Variants in SETD2 observed in about 807,000 individuals in gnomAD.
SETD2 encodes histone-lysine N-methyltransferase SETD2.
In SETD2, 31 loss-of-function variants were observed where a neutral mutation model predicts 242.1. That is an observed-to-expected ratio of 0.13 (90% CI 0.10 to 0.17). SETD2 has a LOEUF of 0.17. Among genes scored for constraint, SETD2 ranks in the 10% least tolerant of loss-of-function variants. The pLI, the probability that SETD2 is intolerant of heterozygous loss-of-function variation, is 1.00. For missense variants in SETD2, 2,481 were observed against 3,046.3 expected (o/e 0.81, Z 4.37); for synonymous variants, 1,006 against 1,066.5 (o/e 0.94, Z 1.11).
chr3:47,080,719 C>CA, intron 12 of SETD2: 2 of 850,582 alleles, frequency 2.4e-6, no homozygotes, highest in Non-Finnish European at 2.8e-6. Context: ...TGGTTGAGGT[C>CA]TACTTTAGGA....
At chr3:47,061,469 T>C (rs2107586915) in intron 14 of SETD2, among the ~76,000 whole-genome samples, 1 of 152,220 alleles carries the variant, frequency 6.6e-6, no homozygotes, top group East Asian at 1.9e-4. Context: ...ACATTTTCAA[T>C]AAATGGTGCT....
intron 18 of SETD2, chr3:47,029,063 TA>T (rs2038638585): frequency 2.9e-5 from 5 of 171,526 alleles, no homozygotes; most frequent in Non-Finnish European, 5.9e-5. Flanking sequence ...CCCAAACTTT[TA>T]ATTTTTTTTT....
At chr3:47,126,307 C>A (rs2043326100) in intron 2 of SETD2, among the ~76,000 whole-genome samples, 1 of 152,184 alleles carries the variant, frequency 6.6e-6, no homozygotes, top group Non-Finnish European at 1.5e-5. Context: ...CAGGCATGAG[C>A]CAAATACTTT....
intron 14 of SETD2, among the ~76,000 whole-genome samples, chr3:47,059,193 T>G (rs2040225076): frequency 1.4e-5 from 2 of 146,172 alleles, no homozygotes; most frequent in South Asian, 4.5e-4. Context: ...ATCAGCTCAC[T>G]GCAACCTCCA....
Position 47,120,671 on chromosome 3 carries a change from C to A in SETD2, c.3965G>T (p.Arg1322Leu), listed in dbSNP as rs147170912. 6.2e-7 allele frequency: 1 copy of A among 1,614,072 alleles called. No individual in the cohort carries two copies. The highest frequency in any genetic ancestry group is 8.5e-7 in the Non-Finnish European group (1 of 1,180,034). Residue 1322 changes from arginine to leucine, a missense_variant, in exon 3 of 21, where the codon CGA becomes CTA. By Grantham distance (102) the Arg-to-Leu change is moderately radical. Around this residue, in one of 17 missense-constraint regions of SETD2, gnomAD observed 1,300 missense variants for 1,259.2 expected, o/e 1.03. Transcript: ENST00000409792. ...RPPGTGVVYDRTQGQVPDSLT... is the reference protein window; with the variant it reads ...RPPGTGVVYDLTQGQVPDSLT... ...GGAATCTGGTACTTGTCCTTGAGTT[C>A]GATCATACACAACCCCAGTTCCAGG...
chr3:47,118,154 C>T (rs2042935073), intron 3 of SETD2, among the ~76,000 whole-genome samples: 3 of 152,054 alleles, frequency 2.0e-5, no homozygotes, highest in East Asian at 1.9e-4. Flanking sequence ...AGACACAATT[C>T]GTTAATGAGT....
intron 18 of SETD2, among the ~76,000 whole-genome samples, chr3:47,027,994 C>T (rs946800955): frequency 2.0e-5 from 3 of 151,996 alleles, no homozygotes; most frequent in African/African-American, 7.3e-5. Context: ...TGGGGTTTCA[C>T]TGTGTTAGCC....
At chr3:47,044,013 A>G (rs1255278953) in intron 16 of SETD2, among the ~76,000 whole-genome samples, 1 of 152,146 alleles carries the variant, frequency 6.6e-6, no homozygotes, top group Admixed American at 6.5e-5. Flanking sequence ...TCAGCTTTTA[A>G]GAATACAAAT....
chr3:47,050,723 C>CTTTTTTTTTTTTTT lies in SETD2; in HGVS notation c.6964-4116_6964-4103dup. 1.5e-3 allele frequency among the ~76,000 whole-genome samples: 103 copies of CTTTTTTTTTTTTTT among 66,884 alleles called. 17 individuals are homozygous for CTTTTTTTTTTTTTT. The highest frequency in any genetic ancestry group is 1.9e-3 in the Non-Finnish European group (73 of 38,394). 43.9% of individuals were successfully genotyped at this position (66,884 alleles called of 152,430 possible). ...CTCAACCTGTATACATTTCCTCTCT[C>CTTTTTTTTTTTTTT]TTTTTTTTTTTTTTTTTTTTTTTTT... is the stretch of plus-strand genomic sequence containing the variant. On this transcript the variant is annotated intron_variant, in intron 15 of 20. Coordinates refer to ENST00000409792, the MANE Select transcript of SETD2 (RefSeq NM_014159.7).
chr3:47,119,362 A>G (rs1384194589), intron 3 of SETD2: 1 of 152,386 alleles, frequency 6.6e-6, no homozygotes, highest in Non-Finnish European at 1.5e-5. Context: ...TATTTATTAC[A>G]CTATTGCCAG....
rs750635731 is a variant in SETD2 at position 47,057,479 on chromosome 3, G to T, written c.6305C>A (p.Pro2102Gln). The change falls in exon 15 of 21, where the codon CCA becomes CAA. Residue 2102 changes from proline (P) to glutamine (Q), a missense_variant. Pro to Gln is a moderately conservative substitution (Grantham distance 76). Around this residue, in one of 17 missense-constraint regions of SETD2, gnomAD observed 80 missense variants for 102.6 expected, o/e 0.78. Coordinates refer to ENST00000409792, the MANE Select transcript of SETD2 (RefSeq NM_014159.7). ...AATTCGTACTTTCTTTTTAGAAGTT[G>T]GTGTATCATATCTAGAAAGAAAATA... ...TKRPDDRYDT[P>Q]TSKKKVRIKD... 1 of 1,613,330 alleles carries T rather than the reference G, an allele frequency of 6.2e-7. No individual in the cohort carries two copies. The highest frequency in any genetic ancestry group is 1.1e-5 in the South Asian group (1 of 91,026).
chr3:47,053,726 A>G (rs1356560733), intron 15 of SETD2, among the ~76,000 whole-genome samples: 3 of 152,214 alleles, frequency 2.0e-5, no homozygotes, highest in Admixed American at 6.5e-5. Context: ...CTGGGCTTCA[A>G]CAACACAAAC....
intron 5 of SETD2, among the ~76,000 whole-genome samples, chr3:47,106,492 C>CA (rs2042424847): frequency 3.3e-5 from 1 of 30,318 alleles, no homozygotes; most frequent in African/African-American, 2.1e-4. Context: ...GATTTTTGCT[C>CA]TAAAAAAAAA....
intron 14 of SETD2, among the ~76,000 whole-genome samples, chr3:47,058,267 A>G (rs998755499): frequency 2.6e-5 from 4 of 151,922 alleles, no homozygotes; most frequent in African/African-American, 9.7e-5. Flanking sequence ...ACATTGTGAA[A>G]TACCCATCTC....
intron 2 of SETD2, among the ~76,000 whole-genome samples, chr3:47,126,115 C>T (rs1429288497): frequency 2.0e-5 from 3 of 152,176 alleles, no homozygotes; most frequent in Non-Finnish European, 2.9e-5. Context: ...CTGCAACCTC[C>T]TCCTCCCCAG....
At chr3:47,038,343 G>A (rs915136110) in intron 17 of SETD2, among the ~76,000 whole-genome samples, 1 of 152,202 alleles carries the variant, frequency 6.6e-6, no homozygotes, top group South Asian at 2.1e-4. Flanking sequence ...GCCAGGCATG[G>A]TGGCTCATGC....
rs761450181 is a variant in SETD2 at position 47,120,267 on chromosome 3, G to A, written c.4369C>T (p.Pro1457Ser). ...TTGGCACATTCCTTCCATCGCTGTG[G>A]GTCCCTGAAGTCATCCATGACACAG... ...PSCVMDDFRDPQRWKECAKQG... is the reference protein window; with the variant it reads ...PSCVMDDFRDSQRWKECAKQG... The change falls in exon 3 of 21, where the codon CCA (proline) becomes TCA (serine). Residue 1457 changes from proline (P) to serine (S), a missense_variant. Coordinates refer to ENST00000409792, the MANE Select transcript of SETD2 (RefSeq NM_014159.7). The A allele has an allele frequency of 1.2e-5, 19 of 1,609,544 alleles. No individual in the cohort carries two copies. The highest frequency in any genetic ancestry group is 1.5e-5 in the Non-Finnish European group (18 of 1,178,350).
rs1359343324 is a variant in SETD2, at chr3:47,062,164, T to C, written c.6292A>G (p.Arg2098Gly). ...AAAAAACTCACACAGGCCACTTACC[T>C]GTCATCTGGCCTTTTTGTTCCCCGC... ...YERGTKRPDDRYDTPTSKKKV... is the reference protein window; with the variant it reads ...YERGTKRPDDGYDTPTSKKKV... Residue 2098 changes from arginine to glycine, a missense_variant and splice_region_variant, in exon 14 of 21, where the codon AGA becomes GGA. Coordinates refer to ENST00000409792, the MANE Select transcript of SETD2 (RefSeq NM_014159.7). 1 of 1,612,292 alleles carries C rather than the reference T, an allele frequency of 6.2e-7. No homozygotes were observed. The highest frequency in any genetic ancestry group is 8.5e-7 in the Non-Finnish European group (1 of 1,179,578).
At chr3:47,114,671 G>T (rs898542576) in intron 4 of SETD2, among the ~76,000 whole-genome samples, 1 of 152,082 alleles carries the variant, frequency 6.6e-6, no homozygotes, top group African/African-American at 2.4e-5. Context: ...TTGAGGTCAG[G>T]AATTCAAGAC....
Sources: allele counts gnomAD v4.1 joint callset (sites outside exome capture counted in the v4.1 genomes callset), GRCh38; gene constraint gnomAD v4.1.1; regional missense constraint gnomAD v4.1.1; transcripts MANE v1.5; gene names NCBI Gene and HGNC (gene_info 2026-07-23, HGNC 2026-07-21).